Variants in GARRE1 observed in about 807,000 individuals in gnomAD.
GARRE1 encodes granule associated Rac and RHOG effector protein 1.
In GARRE1, 49 loss-of-function variants were observed where a neutral mutation model predicts 103.2. The observed-to-expected ratio is 0.47, with a 90% CI of 0.38 to 0.60. The LOEUF (loss-of-function observed/expected upper bound fraction) is 0.60. Among genes scored for constraint, GARRE1 ranks in the 20% least tolerant of loss-of-function variants. The probability of loss-of-function intolerance (pLI) is 0.00; values close to 1 mark genes in which losing one functional copy is unlikely to be tolerated. For synonymous variants in GARRE1, 505 were observed against 532.8 expected (o/e 0.95, Z 0.72); for missense variants, 1,199 against 1,370.5 (o/e 0.87, Z 1.98).
At chr19:34,290,592 G>C (rs34581172) in intron 1 of GARRE1, among the ~76,000 whole-genome samples, 66,552 of 151,628 alleles carry the variant, frequency 0.44, 17,775 homozygotes, top group Non-Finnish European at 0.6. Flanking sequence ...CAAACTCCTG[G>C]GTTCAAATGA....
chr19:34,353,047 A>G lies in GARRE1; in HGVS notation c.*92A>G. The G allele has an allele frequency of 8.2e-7, 1 of 1,215,568 alleles. No individual in the cohort carries two copies. Among genetic ancestry groups the G allele is most frequent in the African/African-American group, 1.5e-5 (1 of 66,946 alleles). 75.3% of individuals were successfully genotyped at this position (1,215,568 alleles called of 1,614,324 possible). A position where few individuals can be genotyped will look rare whatever the true frequency, so the allele number is the denominator to read the frequency against. The stretch of plus-strand genomic sequence containing the variant: ...ACCCCAGGGCCACTTAGCTGACACC[A>G]GCCCCTCAGAGGACCAGTGCGCCCC... On this transcript the variant is annotated 3_prime_UTR_variant, in exon 14 of 14. Transcript: ENST00000299505.
chr19:34,312,162 T>G (rs2074040260), intron 2 of GARRE1, among the ~76,000 whole-genome samples: 1 of 152,010 alleles, frequency 6.6e-6, no homozygotes, highest in Non-Finnish European at 1.5e-5. Context: ...TAAACCTGAT[T>G]CTAATTAAGT....
At chr19:34,262,351 A>C (rs1295019063) in intron 1 of GARRE1, among the ~76,000 whole-genome samples, 1 of 128,744 alleles carries the variant, frequency 7.8e-6, no homozygotes, top group Non-Finnish European at 1.5e-5. Flanking sequence ...GCTGGAATGC[A>C]GTAGTGCGAT....
intron 10 of GARRE1, among the ~76,000 whole-genome samples, chr19:34,345,527 G>A (rs2074206898): frequency 6.6e-6 from 1 of 152,154 alleles, no homozygotes; most frequent in Non-Finnish European, 1.5e-5. Context: ...TCAGAATTGT[G>A]TCATATTTGA....
At chr19:34,305,669 A>C (rs1194572689) in intron 2 of GARRE1, among the ~76,000 whole-genome samples, 1 of 152,182 alleles carries the variant, frequency 6.6e-6, no homozygotes, top group African/African-American at 2.4e-5. Context: ...ACCAGCTGTG[A>C]GCAGTAGGGG....
rs956945710 is a variant in GARRE1, at chr19:34,277,512, G to A, written c.-795-22167G>A. On this transcript the variant is annotated intron_variant, in intron 1 of 13. Transcript: ENST00000299505. ...CATGTTTCCTGTAAGTAATTCGCTAGATATAGAGACTCGATTAGATTTTGA... is the reference window on the plus strand; with the variant it reads ...CATGTTTCCTGTAAGTAATTCGCTAAATATAGAGACTCGATTAGATTTTGA... Among the ~76,000 whole-genome samples, 20 of 152,164 alleles carry A rather than the reference G, an allele frequency of 1.3e-4. 1 individual carries two copies. The highest frequency in any genetic ancestry group is 1.2e-3 in the Admixed American group (19 of 15,270).
At chr19:34,269,311 TCCCA>T (rs2073772270) in intron 1 of GARRE1, among the ~76,000 whole-genome samples, 1 of 152,174 alleles carries the variant, frequency 6.6e-6, no homozygotes, top group African/African-American at 2.4e-5. Flanking sequence ...CTGTCTCCTT[TCCCA>T]CTGCATCCTG....
chr19:34,346,350 T>C (rs1176304208), intron 10 of GARRE1, among the ~76,000 whole-genome samples: 1 of 152,184 alleles, frequency 6.6e-6, no homozygotes, highest in Non-Finnish European at 1.5e-5. Context: ...ATTGCCAGTG[T>C]TTCCAGCCAC....
At chr19:34,266,334 G>C (rs2073751252) in intron 1 of GARRE1, among the ~76,000 whole-genome samples, 1 of 152,170 alleles carries the variant, frequency 6.6e-6, no homozygotes, top group South Asian at 2.1e-4. Context: ...ATATTGGGAA[G>C]AATGAGCTTC....
chr19:34,303,808 G>T (rs112519514), intron 2 of GARRE1, among the ~76,000 whole-genome samples: 2,893 of 152,184 alleles, frequency 0.019, 102 homozygotes, highest in African/African-American at 0.066. Flanking sequence ...TAGAGATAGG[G>T]TTTCACCGTG....
chr19:34,349,279 C>T, intron 12 of GARRE1, 126 bp downstream of exon 12: 1 of 921,480 alleles, frequency 1.1e-6, no homozygotes, highest in Non-Finnish European at 1.6e-6. Flanking sequence ...AGGGGCTCTT[C>T]CAGCAATGCC....
Position 34,300,909 on chromosome 19 carries a change from C to G in GARRE1, c.436C>G (p.Leu146Val), listed in dbSNP as rs1188216737. The G allele has an allele frequency of 6.2e-7, 1 of 1,608,396 alleles. No homozygotes were observed. The highest frequency in any genetic ancestry group is 1.1e-5 in the South Asian group (1 of 91,090). Reference protein sequence around the residue: ...KPEIAKMLMELSAGAANFTDQ... With the variant: ...KPEIAKMLMEVSAGAANFTDQ... ...TGAGATCGCCAAGATGCTAATGGAA[C>G]TTAGTGCTGGGGCTGCAAATTTTAC... The change falls in exon 2 of 14, where the codon CTT (leucine) becomes GTT (valine). Residue 146 changes from leucine to valine, a missense_variant. By Grantham distance (32) the Leu-to-Val change is conservative (BLOSUM62 1). Coordinates refer to ENST00000299505, the MANE Select transcript of GARRE1 (RefSeq NM_014686.5).
At chr19:34,330,011 A>AGGGGTC (rs2074130045) in intron 6 of GARRE1, among the ~76,000 whole-genome samples, 178 bp from the exon 7 acceptor site, 1 of 152,168 alleles carries the variant, frequency 6.6e-6, no homozygotes, top group African/African-American at 2.4e-5. Context: ...CATAAGCCTG[A>AGGGGTC]GGGGTCTAGG....
chr19:34,293,114 G>C (rs1002018108), intron 1 of GARRE1, among the ~76,000 whole-genome samples: 1 of 152,154 alleles, frequency 6.6e-6, no homozygotes, highest in African/African-American at 2.4e-5. Context: ...TGATAAAGCA[G>C]CCATATGGCA....
rs1311781839 is a variant in GARRE1 at position 34,337,436 on chromosome 19, G to T, written c.1362-2431G>T. Reference sequence around the variant, plus strand: ...CTTTTAGACGAGTCAGTCTGGAAGAGGGTCTGAGGATGTGACATTGGATTT... The same window carrying T: ...CTTTTAGACGAGTCAGTCTGGAAGATGGTCTGAGGATGTGACATTGGATTT... On this transcript the variant is annotated intron_variant, in intron 8 of 13. Transcript: ENST00000299505. Among the ~76,000 whole-genome samples the T allele has an allele frequency of 3.3e-5, 5 of 152,208 alleles. 1 individual carries two copies. Among genetic ancestry groups the T allele is most frequent in the African/African-American group, 1.2e-4 (5 of 41,446 alleles).
intron 1 of GARRE1, among the ~76,000 whole-genome samples, chr19:34,274,463 G>A (rs933209147): frequency 6.6e-6 from 1 of 152,222 alleles, no homozygotes; most frequent in Non-Finnish European, 1.5e-5. Flanking sequence ...GTGAAGAGTA[G>A]AGGATAACTC....
At chr19:34,311,857 T>G (rs989556103) in intron 2 of GARRE1, among the ~76,000 whole-genome samples, 3 of 152,214 alleles carry the variant, frequency 2.0e-5, no homozygotes, top group Non-Finnish European at 4.4e-5. Flanking sequence ...GTGATCCCCC[T>G]GCCCTGGCCT....
At chr19:34,344,362 G>A (rs1377958972) in intron 10 of GARRE1, among the ~76,000 whole-genome samples, 3 of 152,088 alleles carry the variant, frequency 2.0e-5, no homozygotes, top group South Asian at 2.1e-4. Flanking sequence ...AGGCCGAGGC[G>A]GGCGGATCAC....
intron 2 of GARRE1, among the ~76,000 whole-genome samples, chr19:34,310,764 G>A (rs1341884061): frequency 6.6e-6 from 1 of 152,174 alleles, no homozygotes; most frequent in Non-Finnish European, 1.5e-5. Context: ...ATAGCCTGAA[G>A]TCTGTTGATT....
Sources: gnomAD v4.1 joint callset for allele counts (sites outside exome capture counted in the v4.1 genomes callset) on GRCh38, gnomAD v4.1.1 for gene constraint, MANE v1.5 for transcripts, NCBI Gene and HGNC (gene_info 2026-07-23, HGNC 2026-07-21) for gene names.